Variants in CSMD1 observed in about 807,000 individuals in gnomAD.
CSMD1 encodes CUB and sushi domain-containing protein 1.
Under a neutral mutation model 417.5 loss-of-function variants are expected in CSMD1, and 213 were observed. The observed-to-expected ratio is 0.51, with a 90% CI of 0.46 to 0.57. CSMD1 has a LOEUF of 0.57. Ranked by LOEUF, CSMD1 falls within the 20% of genes least tolerant of loss-of-function variation. CSMD1 has a pLI of 0.00. For missense variants in CSMD1, 6,923 were observed against 4,529.7 expected, an observed-to-expected ratio of 1.53 and a Z score of -15.17; for synonymous variants, 2,862 against 1,736.8, an observed-to-expected ratio of 1.65 and a Z score of -16.11.
At chr8:4,973,978 T>C (rs1454752863) in intron 1 of CSMD1, among the ~76,000 whole-genome samples, 2 of 152,148 alleles carry the variant, frequency 1.3e-5, no homozygotes, top group Non-Finnish European at 2.9e-5. Flanking sequence ...TAACAAGCCA[T>C]CCAAAGCAAG....
At chr8:4,340,950 G>T (rs1800443652) in intron 3 of CSMD1, among the ~76,000 whole-genome samples, 1 of 152,022 alleles carries the variant, frequency 6.6e-6, no homozygotes, top group Non-Finnish European at 1.5e-5. Flanking sequence ...AATGTAGTCT[G>T]TACTCTGCGG....
At chr8:4,867,197 C>T (rs1207564476) in intron 1 of CSMD1, among the ~76,000 whole-genome samples, 1 of 151,958 alleles carries the variant, frequency 6.6e-6, no homozygotes, top group Non-Finnish European at 1.5e-5. Flanking sequence ...AATGGTGCAT[C>T]GTTCCAATCA....
rs190367892 is a variant in CSMD1 at position 3,563,667 on chromosome 8, G to A, written c.1344+11278C>T. 7.2e-5 allele frequency among the ~76,000 whole-genome samples: 11 copies of A among 152,124 alleles called. No homozygotes were observed. In the East Asian group the frequency reaches 2.1e-3, roughly 30 times the overall value. On this transcript the variant is annotated intron_variant, in intron 10 of 69. Transcript: ENST00000635120. ...GCACTTTGGGAGGCTGAGGCGGGTG[G>A]ATCATGAGGTCAGGAGTTCGAGACC...
rs535560488 is a variant in CSMD1 at position 3,272,580 on chromosome 8, A to G, written c.4153+11564T>C. On this transcript the variant is annotated intron_variant, in intron 26 of 69. Coordinates refer to ENST00000635120, the MANE Select transcript of CSMD1 (RefSeq NM_033225.6). The stretch of plus-strand genomic sequence containing the variant: ...ACCCATGAGCATGGAATGTTCTTCC[A>G]TTTGTTTGTATCTTCTTTTATTTCC... Among the ~76,000 whole-genome samples the G allele has an allele frequency of 3.0e-4, 41 of 136,404 alleles. 4 individuals carry two copies. The highest frequency in any genetic ancestry group is 3.6e-3 in the Middle Eastern group (1 of 274). The allele number at this position is 136,404 out of a possible 152,430, so 89.5% of individuals were successfully genotyped here.
chr8:4,094,750 A>G (rs1800910586), intron 3 of CSMD1, among the ~76,000 whole-genome samples: 1 of 152,142 alleles, frequency 6.6e-6, no homozygotes, highest in African/African-American at 2.4e-5. Context: ...CAGACAAATG[A>G]TGGAGGTGAG....
At chr8:3,004,249 T>C (rs1034913041) in intron 52 of CSMD1, among the ~76,000 whole-genome samples, 1 of 152,214 alleles carries the variant, frequency 6.6e-6, no homozygotes, top group Admixed American at 6.5e-5. Flanking sequence ...ACTTTGTTTA[T>C]TTATTATTCA....
At chr8:3,599,835 A>G (rs1030023333) in intron 8 of CSMD1, among the ~76,000 whole-genome samples, 2 of 152,214 alleles carry the variant, frequency 1.3e-5, no homozygotes, top group Non-Finnish European at 2.9e-5. Flanking sequence ...TGGGAGCAAC[A>G]GATCTGACAA....
intron 5 of CSMD1, among the ~76,000 whole-genome samples, chr8:3,935,217 A>C (rs1476775186): frequency 6.6e-6 from 1 of 152,236 alleles, no homozygotes; most frequent in Non-Finnish European, 1.5e-5. Context: ...CCAACAGAAC[A>C]AATGGAAATC....
intron 2 of CSMD1, among the ~76,000 whole-genome samples, chr8:4,570,013 C>A (rs978172894): frequency 3.3e-5 from 5 of 152,014 alleles, no homozygotes; most frequent in African/African-American, 1.2e-4. Context: ...TGCTGAAGTT[C>A]CTTATCAGCT....
chr8:3,287,892 G>C (rs1170603041), intron 25 of CSMD1, among the ~76,000 whole-genome samples: 3 of 145,026 alleles, frequency 2.1e-5, no homozygotes, highest in Non-Finnish European at 4.5e-5. Flanking sequence ...GTTTGCAAAG[G>C]GAATGCTTCC....
At chr8:4,958,038 C>G (rs6981024) in intron 1 of CSMD1, among the ~76,000 whole-genome samples, 114,197 of 152,126 alleles carry the variant, frequency 0.75, 44,312 homozygotes, top group Non-Finnish European at 0.86. Flanking sequence ...GAGAAAGCAT[C>G]TTTAGCATTC....
At chr8:4,931,323 C>T (rs758223384) in intron 1 of CSMD1, among the ~76,000 whole-genome samples, 23 of 152,258 alleles carry the variant, frequency 1.5e-4, no homozygotes, top group Non-Finnish European at 2.5e-4. Context: ...CTGGTCGCTA[C>T]GAGGAGTAAA....
At chr8:4,435,427 G>C (rs1398797439) in intron 2 of CSMD1, among the ~76,000 whole-genome samples, 3 of 152,166 alleles carry the variant, frequency 2.0e-5, no homozygotes, top group Non-Finnish European at 4.4e-5. Flanking sequence ...CAGGCCCAGA[G>C]TTTGTCTAGT....
At chr8:4,369,683 C>T (rs1001899540) in intron 3 of CSMD1, among the ~76,000 whole-genome samples, 2 of 152,164 alleles carry the variant, frequency 1.3e-5, no homozygotes, top group African/African-American at 2.4e-5. Context: ...AGCCCTTTAT[C>T]ATTACGTAAT....
intron 3 of CSMD1, among the ~76,000 whole-genome samples, chr8:4,307,221 T>C (rs922003136): frequency 5.3e-5 from 8 of 152,188 alleles, no homozygotes; most frequent in African/African-American, 1.2e-4. Context: ...ATTTTTATAA[T>C]ACAGCTCATT....
At chr8:4,348,239 C>G (rs1354817411) in intron 3 of CSMD1, among the ~76,000 whole-genome samples, 2 of 152,084 alleles carry the variant, frequency 1.3e-5, no homozygotes, top group African/African-American at 4.8e-5. Context: ...ATACTAAGTG[C>G]TCTTGACTAT....
rs199708460 is a variant in CSMD1, at chr8:3,399,453, A to G, written c.2343T>C (p.Ser781=). The change falls in exon 16 of 70, where the codon TCT becomes TCC. Residue 781 remains serine (S), a synonymous_variant. Coordinates refer to ENST00000635120, the MANE Select transcript of CSMD1 (RefSeq NM_033225.6). ...CTTCAATTATCCATTCACAATGTAAAGAATCCTTATAATATCCTGGCCATC... is the reference window on the plus strand; with the variant it reads ...CTTCAATTATCCATTCACAATGTAAGGAATCCTTATAATATCCTGGCCATC... ...PPGWPGYYKD[S]LHCEWIIEAK... The G allele has an allele frequency of 4.2e-4, 673 of 1,611,010 alleles. 1 individual carries two copies. In the Middle Eastern group the frequency reaches 4.5e-3, roughly 11 times the overall value.
chr8:4,966,776 C>A (rs1320169297), intron 1 of CSMD1, among the ~76,000 whole-genome samples: 1 of 152,166 alleles, frequency 6.6e-6, no homozygotes, highest in Admixed American at 6.6e-5. Context: ...TAAAATAACT[C>A]AGATATACTC....
At chr8:3,141,605 T>G (rs1025901340) in intron 41 of CSMD1, among the ~76,000 whole-genome samples, 1 of 152,082 alleles carries the variant, frequency 6.6e-6, no homozygotes, top group Non-Finnish European at 1.5e-5. Context: ...ACATCAGTGC[T>G]TGAGATATGT....
Sources: allele counts gnomAD v4.1 joint callset (sites outside exome capture counted in the v4.1 genomes callset), GRCh38; gene constraint gnomAD v4.1.1; transcripts MANE v1.5; gene names NCBI Gene and HGNC (gene_info 2026-07-23, HGNC 2026-07-21).